RFFL: variants seen among roughly 807,000 people sequenced by gnomAD.
RFFL encodes the protein ring finger and FYVE like domain containing E3 ubiquitin protein ligase, also known as E3 ubiquitin-protein ligase rififylin.
RFFL carries 16 observed loss-of-function variants against 40.4 expected under a neutral mutation model. The observed-to-expected ratio is 0.40, with a 90% confidence interval of 0.27 to 0.60. The LOEUF (loss-of-function observed/expected upper bound fraction) is 0.60, where lower values mean the gene tolerates loss of function less well. RFFL is among the 20% of genes least tolerant of loss of function. RFFL has a pLI of 0.47. For synonymous variants in RFFL, 154 were observed against 167.9 expected, an observed-to-expected ratio of 0.92 and a Z score of 0.64; for missense variants, 367 against 451.7, an observed-to-expected ratio of 0.81 and a Z score of 1.70.
chr17:35,055,925 A>C (rs1421559934), intron 1 of RFFL, among the ~76,000 whole-genome samples: 2 of 152,080 alleles, frequency 1.3e-5, no homozygotes, highest in Non-Finnish European at 1.5e-5. Context: ...AGAGAAATAA[A>C]ATCAGCATAA....
intron 5 of RFFL, among the ~76,000 whole-genome samples, chr17:35,015,815 A>C (rs547761446): frequency 7.2e-5 from 11 of 152,360 alleles, no homozygotes; most frequent in African/African-American, 2.6e-4. Context: ...AGTAATGAAG[A>C]TATGAGGTAT....
At chr17:35,015,048 C>T (rs1257306186) in intron 5 of RFFL, among the ~76,000 whole-genome samples, 1 of 152,186 alleles carries the variant, frequency 6.6e-6, no homozygotes, top group Non-Finnish European at 1.5e-5. Context: ...CTCACTGCAA[C>T]CTCTTTCTCA....
intron 1 of RFFL, among the ~76,000 whole-genome samples, chr17:35,047,268 C>CAGG (rs1371220918): frequency 6.6e-6 from 1 of 152,130 alleles, no homozygotes; most frequent in Non-Finnish European, 1.5e-5. Context: ...CATTTCCAGA[C>CAGG]AGGAATTCTA....
chr17:35,088,145 A>G (rs1007536438), intron 1 of RFFL, among the ~76,000 whole-genome samples: 4 of 152,074 alleles, frequency 2.6e-5, no homozygotes, highest in Non-Finnish European at 4.4e-5. Flanking sequence ...TACATAAGGA[A>G]CTCACTGCTT....
intron 1 of RFFL, among the ~76,000 whole-genome samples, chr17:35,070,061 C>T (rs555426723): frequency 3.7e-4 from 56 of 151,902 alleles, no homozygotes; most frequent in Non-Finnish European, 6.8e-4. Flanking sequence ...GGAGAGCACG[C>T]GCACGTGCAA....
chr17:35,040,477 C>T (rs1203412076), intron 1 of RFFL, among the ~76,000 whole-genome samples: 1 of 151,870 alleles, frequency 6.6e-6, no homozygotes, highest in Non-Finnish European at 1.5e-5. Flanking sequence ...GTGGCAGGCA[C>T]CTATAGTCCC....
chr17:35,042,446 T>G (rs937721337), intron 1 of RFFL: 2 of 152,206 alleles, frequency 1.3e-5, no homozygotes, highest in Non-Finnish European at 2.9e-5. Context: ...TAAACCATAC[T>G]ACTAACTGGT....
Position 35,016,497 on chromosome 17 carries a change from C to A in RFFL, c.759G>T (p.Leu253=), listed in dbSNP as rs759610023. ...AGATCTCTTTCAGCTGCCGCACTGT[C>A]AGGCCTTCAATGTCCTCCAGGTCAG... ...DLTDLEDIEG[L]TVRQLKEILA... Residue 253 remains leucine, a synonymous_variant, in exon 5 of 7, where the codon CTG becomes CTT. Coordinates refer to ENST00000394597, the MANE Select transcript of RFFL (RefSeq NM_001017368.2). 1.1e-4 allele frequency: 174 copies of A among 1,614,106 alleles called. 1 individual carries two copies. The highest frequency in any genetic ancestry group is 6.6e-4 in the Middle Eastern group (4 of 6,084).
rs745934733 is a variant in RFFL at position 35,009,314 on chromosome 17, T to G, written c.*2654A>C. On this transcript the variant is annotated 3_prime_UTR_variant, in exon 7 of 7. Coordinates refer to ENST00000394597, the MANE Select transcript of RFFL (RefSeq NM_001017368.2). ...CTAGTTCCTGTACAGCTTATTCTTA[T>G]TAGTTTGGATCCAACTATTCCAATG... 1.3e-5 allele frequency: 2 copies of G among 152,360 alleles called. No homozygotes were observed. The highest frequency in any genetic ancestry group is 1.5e-5 in the Non-Finnish European group (1 of 68,042). The allele number at this position is 152,360 out of a possible 1,614,324, so 9.4% of individuals were successfully genotyped here.
upstream of RFFL, among the ~76,000 whole-genome samples, chr17:35,065,558 CAA>C (rs947708350): frequency 3.5e-4 from 18 of 51,120 alleles, no homozygotes; most frequent in Admixed American, 4.4e-4. Flanking sequence ...AACTTCGTCT[CAA>C]AAAAAAAAAA....
intron 1 of RFFL, chr17:35,069,396 T>G: frequency 4.4e-6 from 2 of 454,800 alleles, no homozygotes; most frequent in Non-Finnish European, 8.9e-6. Flanking sequence ...CACCTACAGT[T>G]AATCTTCAAC....
chr17:35,075,094 G>C (rs2091369404), intron 1 of RFFL, among the ~76,000 whole-genome samples: 1 of 152,158 alleles, frequency 6.6e-6, no homozygotes, highest in Admixed American at 6.5e-5. Context: ...AAAAACATCT[G>C]TCCTCTCACT....
upstream of RFFL, among the ~76,000 whole-genome samples, chr17:35,067,553 G>A (rs570497976): frequency 2.1e-3 from 325 of 151,278 alleles, 1 homozygote; most frequent in Non-Finnish European, 3.7e-3. Context: ...CCACCTCCGG[G>A]TTCAAGCGAT....
intron 1 of RFFL, among the ~76,000 whole-genome samples, chr17:35,083,212 G>T (rs907458503): frequency 2.6e-5 from 4 of 152,184 alleles, no homozygotes; most frequent in Non-Finnish European, 5.9e-5. Context: ...ACCTCTAGTT[G>T]TTTCCACATT....
At chr17:35,013,401 AAAT>A (rs1374947352) in intron 6 of RFFL, among the ~76,000 whole-genome samples, 1 of 152,234 alleles carries the variant, frequency 6.6e-6, no homozygotes, top group African/African-American at 2.4e-5. Flanking sequence ...CAAACAGAAA[AAAT>A]AATGTTCAAA....
chr17:35,043,839 T>C lies in RFFL; in HGVS notation c.-8-17278A>G, dbSNP rs147536071. ...GATTTTTGTAGGATTCAATAAAAAG[T>C]ACCTTAAGCACCTTGTAAAAAGTAT... On this transcript the variant is annotated intron_variant, in intron 1 of 6. Coordinates refer to ENST00000394597, the MANE Select transcript of RFFL (RefSeq NM_001017368.2). Among the ~76,000 whole-genome samples, 98 of 152,326 alleles carry C rather than the reference T, an allele frequency of 6.4e-4. 1 individual carries two copies. The East Asian group carries it at 0.01, about 16-fold the overall frequency.
At chr17:35,040,866 GTGT>G (rs1172286098) in intron 1 of RFFL, among the ~76,000 whole-genome samples, 2 of 10,946 alleles carry the variant, frequency 1.8e-4, no homozygotes, top group East Asian at 2.3e-3. Context: ...TTTTTTTTTG[GTGT>G]GTGTGTGTGT....
chr17:35,034,718 G>A (rs939643463), intron 1 of RFFL, among the ~76,000 whole-genome samples: 2 of 151,982 alleles, frequency 1.3e-5, no homozygotes, highest in African/African-American at 2.4e-5. Context: ...TAGAGACGGG[G>A]TTTCTCCATG....
At chr17:35,053,922 T>C (rs550635350) in intron 1 of RFFL, among the ~76,000 whole-genome samples, 3 of 152,184 alleles carry the variant, frequency 2.0e-5, no homozygotes, top group Non-Finnish European at 4.4e-5. Context: ...CATTCTGAGC[T>C]CAATCACTCA....
Sources: gnomAD v4.1 joint callset for allele counts (sites outside exome capture counted in the v4.1 genomes callset) on GRCh38, gnomAD v4.1.1 for gene constraint, MANE v1.5 for transcripts, NCBI Gene and HGNC (gene_info 2026-07-23, HGNC 2026-07-21) for gene names.